Variants in EXOC7 observed in about 807,000 individuals in gnomAD.
EXOC7 encodes the protein exocyst complex component 7.
EXOC7 carries 51 observed loss-of-function variants against 87.6 expected under a neutral mutation model. The observed-to-expected ratio is 0.58, with a 90% CI of 0.46 to 0.73. The LOEUF is 0.73. Ranked by LOEUF, EXOC7 falls within the 30% of genes least tolerant of loss-of-function variation. The pLI is 0.00. For missense variants in EXOC7, 744 were observed against 888.4 expected (o/e 0.84, Z 2.07); for synonymous variants, 327 against 357.1 (o/e 0.92, Z 0.95).
chr17:76,093,815 C>A (rs572414410), intron 6 of EXOC7: 1 of 152,686 alleles, frequency 6.5e-6, no homozygotes, highest in East Asian at 1.9e-4. Flanking sequence ...AGATGTTCAC[C>A]CAGGACAGCA....
rs774020675 is a variant in EXOC7 at position 76,081,322 on chromosome 17, A to C, written c.*2326T>G. 1.5e-5 allele frequency: 25 copies of C among 1,614,008 alleles called. No individual in the cohort carries two copies. Among genetic ancestry groups the C allele is most frequent in the Non-Finnish European group, 2.1e-5 (25 of 1,180,034 alleles). ...GGCCCACGTGGTGAACGAGATTGTG[A>C]GTGTCAAGAGGGAATACGTAGTTTA... On this transcript the variant is annotated 3_prime_UTR_variant, in exon 19 of 19. Coordinates refer to ENST00000589210, the MANE Select transcript of EXOC7 (RefSeq NM_001013839.4).
intron 5 of EXOC7, among the ~76,000 whole-genome samples, chr17:76,096,031 C>T (rs1246555203): frequency 6.6e-6 from 1 of 152,168 alleles, no homozygotes; most frequent in African/African-American, 2.4e-5. Flanking sequence ...CTGCGCCTCC[C>T]TCTTGATCCT....
intron 3 of EXOC7, 57 bp from the exon 4 acceptor site, chr17:76,101,433 GAC>G (rs1414173986): frequency 6.3e-7 from 1 of 1,593,780 alleles, no homozygotes; most frequent in Non-Finnish European, 8.5e-7. Flanking sequence ...AAGGACTAAG[GAC>G]ACAGTATTTG....
chr17:76,097,073 C>T (rs1422296124), intron 5 of EXOC7, among the ~76,000 whole-genome samples: 1 of 152,080 alleles, frequency 6.6e-6, no homozygotes, highest in Non-Finnish European at 1.5e-5. Context: ...GTCTCGAACT[C>T]CTGAGCTGAA....
intron 16 of EXOC7, 49 bp downstream of exon 16, chr17:76,084,468 A>AGTATCCCGTCTGCC: frequency 1.9e-6 from 3 of 1,600,458 alleles, no homozygotes; most frequent in Non-Finnish European, 2.6e-6. Flanking sequence ...CACGACAAAA[A>AGTATCCCGTCTGCC]GTATCCCGTC....
intron 4 of EXOC7, 179 bp from the exon 5 acceptor site, chr17:76,098,197 C>G: frequency 1.7e-6 from 1 of 581,018 alleles, no homozygotes; most frequent in Non-Finnish European, 3.0e-6. Flanking sequence ...AGTGCAGTGA[C>G]ACAATCTTGG....
In EXOC7 at chr17:76,081,558, A is replaced by G. The variant is rs780817546; in HGVS notation, c.*2090T>C. 7 of 1,613,624 alleles carry G rather than the reference A, an allele frequency of 4.3e-6. No homozygotes were observed. Among genetic ancestry groups the G allele is most frequent in the Non-Finnish European group, 5.9e-6 (7 of 1,180,028 alleles). ...TTCCCCTTCCAGCTGAGGCTGAAGAACACGGCGCTCAAGTCCATCATCGCT... is the reference window on the plus strand; with the variant it reads ...TTCCCCTTCCAGCTGAGGCTGAAGAGCACGGCGCTCAAGTCCATCATCGCT... On this transcript the variant is annotated 3_prime_UTR_variant, in exon 19 of 19. Transcript: ENST00000589210.
In EXOC7 at chr17:76,082,711, G is replaced by T; in HGVS notation, c.*937C>A. 1 of 1,511,024 alleles carries T rather than the reference G, an allele frequency of 6.6e-7. No individual in the cohort carries two copies. The highest frequency in any genetic ancestry group is 8.9e-7 in the Non-Finnish European group (1 of 1,127,798). 93.6% of individuals were successfully genotyped at this position (1,511,024 alleles called of 1,614,324 possible). On this transcript the variant is annotated 3_prime_UTR_variant, in exon 19 of 19. Coordinates refer to ENST00000589210, the MANE Select transcript of EXOC7 (RefSeq NM_001013839.4). ...GAAGTTTGCTTTCCCATGGCTGGGGGCGGGCCATGACAGGGCCTCTGGATT... is the reference window on the plus strand; with the variant it reads ...GAAGTTTGCTTTCCCATGGCTGGGGTCGGGCCATGACAGGGCCTCTGGATT...
rs749425187 is a variant in EXOC7, at chr17:76,084,285, C to T, written c.1781G>A (p.Arg594Gln). The change falls in exon 17 of 19, where the codon CGG becomes CAG. Residue 594 changes from arginine to glutamine, a missense_variant. Transcript: ENST00000589210. ...LPVFQPGVKL[R>Q]DKERQIIKER... ...CTTGATAATCTGCCGCTCCTTGTCCCGGAGCTGGGAAGCCAGGAGAGATAG... is the reference window on the plus strand; with the variant it reads ...CTTGATAATCTGCCGCTCCTTGTCCTGGAGCTGGGAAGCCAGGAGAGATAG... 4 of 1,613,510 alleles carry T rather than the reference C, an allele frequency of 2.5e-6. No individual in the cohort carries two copies. Among genetic ancestry groups the T allele is most frequent in the East Asian group, 2.2e-5 (1 of 44,886 alleles).
At position 76,082,605 on chromosome 17, in the gene EXOC7, C is replaced by T. The variant is rs752708237; in HGVS notation, c.*1043G>A. 22 of 1,613,228 alleles carry T rather than the reference C, an allele frequency of 1.4e-5. No homozygotes were observed. In the East Asian group the frequency reaches 3.3e-4, roughly 25 times the overall value. On this transcript the variant is annotated 3_prime_UTR_variant, in exon 19 of 19. Coordinates refer to ENST00000589210, the MANE Select transcript of EXOC7 (RefSeq NM_001013839.4). ...GGATGTGGGCAGCGTGCAAGTCTGA[C>T]GCAGCCCCTGGAGAGGCTGCACCCC...
In EXOC7 at chr17:76,082,708, G is replaced by T; in HGVS notation, c.*940C>A. 6.6e-7 allele frequency: 1 copy of T among 1,521,696 alleles called. No homozygotes were observed. The highest frequency in any genetic ancestry group is 2.3e-5 in the East Asian group (1 of 43,008). 94.3% of individuals were successfully genotyped at this position (1,521,696 alleles called of 1,614,324 possible). ...GATGAAGTTTGCTTTCCCATGGCTG[G>T]GGGCGGGCCATGACAGGGCCTCTGG... On this transcript the variant is annotated 3_prime_UTR_variant, in exon 19 of 19. Transcript: ENST00000589210.
chr17:76,090,145 C>T (rs2067408305), intron 7 of EXOC7, among the ~76,000 whole-genome samples: 1 of 152,252 alleles, frequency 6.6e-6, no homozygotes, highest in African/African-American at 2.4e-5. Flanking sequence ...CAGGCACGCA[C>T]TCCCATCTGG....
At chr17:76,087,296 G>A in intron 12 of EXOC7, 1 of 396,146 alleles carries the variant, frequency 2.5e-6, no homozygotes, top group Admixed American at 4.1e-5. Context: ...CCCTCTGAAG[G>A]CCAGCTGAGC....
At chr17:76,090,977 C>A (rs954376962) in intron 7 of EXOC7, 166 bp downstream of exon 7, 1 of 680,292 alleles carries the variant, frequency 1.5e-6, no homozygotes, top group Non-Finnish European at 2.7e-6. Flanking sequence ...GGCTGCGAAA[C>A]TGTCCCTGTG....
chr17:76,089,232 C>T lies in EXOC7; in HGVS notation c.990G>A (p.Leu330=). 6.2e-7 allele frequency: 1 copy of T among 1,614,088 alleles called. No homozygotes were observed. Among genetic ancestry groups the T allele is most frequent in the Non-Finnish European group, 8.5e-7 (1 of 1,179,998 alleles). ...FVKLAQSEYQ[L]LADIIPEHHQ... is the part of the protein sequence containing the mutation. ...GGTGCTCGGGGATGATGTCGGCCAG[C>T]AGCTGGTACTCGCTCTGCGCCAGCT... The change falls in exon 8 of 19, where the codon CTG becomes CTA. Residue 330 remains leucine, a synonymous_variant. Coordinates refer to ENST00000589210, the MANE Select transcript of EXOC7 (RefSeq NM_001013839.4).
At chr17:76,101,167 T>C in intron 4 of EXOC7, 104 bp downstream of exon 4, 1 of 1,595,210 alleles carries the variant, frequency 6.3e-7, no homozygotes, top group East Asian at 2.2e-5. Context: ...TATCCTTCTG[T>C]GTATTCTACT....
intron 17 of EXOC7, 25 bp downstream of exon 17, chr17:76,084,223 T>G (rs2067104296): frequency 1.9e-6 from 3 of 1,608,788 alleles, no homozygotes; most frequent in Non-Finnish European, 2.6e-6. Context: ...CAGCAAGCAG[T>G]GGAGGGGAGA....
intron 4 of EXOC7, 34 bp downstream of exon 4, chr17:76,101,237 C>G (rs2068043866): frequency 1.9e-6 from 3 of 1,613,880 alleles, no homozygotes; most frequent in South Asian, 1.1e-5. Context: ...ACTGATATCC[C>G]CAAGCTTCTC....
chr17:76,101,016 T>C (rs2068032995), intron 4 of EXOC7: 5 of 517,068 alleles, frequency 9.7e-6, no homozygotes, highest in Non-Finnish European at 7.8e-6. Context: ...ACAAATCAAA[T>C]GTTAAGTTTA....
Sources: allele counts gnomAD v4.1 joint callset (sites outside exome capture counted in the v4.1 genomes callset), GRCh38; gene constraint gnomAD v4.1.1; transcripts MANE v1.5; gene names NCBI Gene and HGNC (gene_info 2026-07-23, HGNC 2026-07-21).